NTNG1: variants seen among roughly 807,000 people sequenced by gnomAD.
NTNG1 encodes netrin-G1.
NTNG1 carries 16 observed loss-of-function variants against 54.0 expected under a neutral mutation model. The observed-to-expected ratio is 0.30, with a 90% CI of 0.20 to 0.45. The LOEUF (loss-of-function observed/expected upper bound fraction) is 0.45, where lower values mean the gene tolerates loss of function less well. Ranked by LOEUF, NTNG1 falls within the 20% of genes least tolerant of loss-of-function variation. The pLI is 1.00. For synonymous variants in NTNG1, 255 were observed against 263.1 expected (o/e 0.97, Z 0.30); for missense variants, 530 against 678.7 (o/e 0.78, Z 2.43).
At chr1:107,344,709 A>G (rs1371479867) in intron 3 of NTNG1, among the ~76,000 whole-genome samples, 1 of 152,068 alleles carries the variant, frequency 6.6e-6, no homozygotes, top group African/African-American at 2.4e-5. Flanking sequence ...GAATTTCATA[A>G]CCCTCCCTTA....
chr1:107,293,665 G>C (rs1041450508), intron 2 of NTNG1, among the ~76,000 whole-genome samples: 3 of 151,988 alleles, frequency 2.0e-5, no homozygotes, highest in African/African-American at 7.3e-5. Context: ...ATAAAGTGGG[G>C]GTATAATTGT....
chr1:107,336,262 C>T (rs1668572159), intron 3 of NTNG1, among the ~76,000 whole-genome samples: 1 of 150,522 alleles, frequency 6.6e-6, no homozygotes, highest in Non-Finnish European at 1.5e-5. Context: ...TAAAGATAGA[C>T]ATACGAACCA....
chr1:107,253,014 A>G (rs1211251101), intron 2 of NTNG1, among the ~76,000 whole-genome samples: 1 of 151,918 alleles, frequency 6.6e-6, no homozygotes, highest in Non-Finnish European at 1.5e-5. Context: ...TGCTTTCTTT[A>G]CTCTCTTTTG....
chr1:107,383,795 G>A (rs892882917), intron 3 of NTNG1, among the ~76,000 whole-genome samples: 16 of 152,130 alleles, frequency 1.1e-4, no homozygotes, highest in Non-Finnish European at 2.2e-4. Context: ...TTACTTGAAC[G>A]TTGTTCATTT....
intron 2 of NTNG1, among the ~76,000 whole-genome samples, chr1:107,280,023 G>A (rs1664726894): frequency 7.6e-6 from 1 of 131,874 alleles, no homozygotes; most frequent in African/African-American, 2.8e-5. Context: ...CTGAATTCCT[G>A]TTCCTTTGTT....
chr1:107,417,127 A>C (rs929196694), intron 5 of NTNG1, among the ~76,000 whole-genome samples: 1 of 152,110 alleles, frequency 6.6e-6, no homozygotes, highest in Non-Finnish European at 1.5e-5. Flanking sequence ...AGCAACATTC[A>C]GTCAATTGAC....
intron 2 of NTNG1, among the ~76,000 whole-genome samples, chr1:107,178,294 CT>C (rs547237456): frequency 1.2e-4 from 19 of 152,082 alleles, no homozygotes; most frequent in African/African-American, 4.1e-4. Flanking sequence ...CAGATAAATT[CT>C]TTTTTTCTTC....
intron 2 of NTNG1, among the ~76,000 whole-genome samples, chr1:107,315,840 G>A (rs757504527): frequency 7.2e-5 from 11 of 152,056 alleles, no homozygotes; most frequent in Non-Finnish European, 1.6e-4. Context: ...ACTATACCCA[G>A]TATACAGCAC....
chr1:107,421,205 GT>G, intron 5 of NTNG1: 1 of 1,154,696 alleles, frequency 8.7e-7, no homozygotes, highest in Non-Finnish European at 1.3e-6. Flanking sequence ...ACATTGCACT[GT>G]ATGAATCTGG....
intron 2 of NTNG1, among the ~76,000 whole-genome samples, chr1:107,242,081 C>T (rs1051119775): frequency 6.6e-6 from 1 of 152,134 alleles, no homozygotes; most frequent in Non-Finnish European, 1.5e-5. Context: ...TTCGACACCA[C>T]CTGGACGTCA....
Position 107,154,483 on chromosome 1 carries a change from C to A in NTNG1, c.246+5644C>A, listed in dbSNP as rs1055758039. ...AGGTGACATGCGCCTGTAGTCCCAG[C>A]TACTTGGGAGGCTGAGGTGGGAGGA... On this transcript the variant is annotated intron_variant, in intron 2 of 7. Coordinates refer to ENST00000370068, the MANE Select transcript of NTNG1 (RefSeq NM_001113226.3). Among the ~76,000 whole-genome samples, 4 of 150,358 alleles carry A rather than the reference C, an allele frequency of 2.7e-5. No homozygotes were observed. The Admixed American group carries it at 2.7e-4, about 10-fold the overall frequency.
chr1:107,222,109 C>T (rs991714533), intron 2 of NTNG1, among the ~76,000 whole-genome samples: 1 of 152,070 alleles, frequency 6.6e-6, no homozygotes, highest in Non-Finnish European at 1.5e-5. Flanking sequence ...TGCTCATCTT[C>T]CATCTCGGTG....
intron 2 of NTNG1, among the ~76,000 whole-genome samples, chr1:107,166,109 C>T (rs1019854808): frequency 6.6e-6 from 1 of 152,030 alleles, no homozygotes; most frequent in Non-Finnish European, 1.5e-5. Flanking sequence ...GCAATGGGAA[C>T]ACAGAAAGAA....
chr1:107,442,205 C>A lies in NTNG1; in HGVS notation c.1390+5406C>A, dbSNP rs76082812. Among the ~76,000 whole-genome samples, 611 of 152,140 alleles carry A rather than the reference C, an allele frequency of 4.0e-3. 2 individuals carry two copies. Among genetic ancestry groups the A allele is most frequent in the Non-Finnish European group, 6.9e-3 (466 of 67,992 alleles). On this transcript the variant is annotated intron_variant, in intron 7 of 7. Transcript: ENST00000370068. ...CTGAGGAGCTACCACTTATTGGTAC[C>A]ATGGAGAAGGCATTGTCACATAAGG...
intron 3 of NTNG1, among the ~76,000 whole-genome samples, chr1:107,357,542 T>C (rs1670008849): frequency 6.6e-6 from 1 of 152,228 alleles, no homozygotes; most frequent in African/African-American, 2.4e-5. Flanking sequence ...CTTTAGCTAA[T>C]TTCATTCTTT....
intron 2 of NTNG1, among the ~76,000 whole-genome samples, chr1:107,157,966 A>G (rs974458219): frequency 2.0e-5 from 3 of 152,094 alleles, no homozygotes; most frequent in Non-Finnish European, 2.9e-5. Flanking sequence ...GGATTTCTGC[A>G]CTGGATTTTG....
chr1:107,352,835 C>T (rs1404604992), intron 3 of NTNG1, among the ~76,000 whole-genome samples: 2 of 152,210 alleles, frequency 1.3e-5, no homozygotes, highest in Non-Finnish European at 2.9e-5. Flanking sequence ...CACATGGAAA[C>T]CACCAAGGCT....
chr1:107,208,351 A>G (rs1449871527), intron 2 of NTNG1, among the ~76,000 whole-genome samples: 2 of 150,616 alleles, frequency 1.3e-5, no homozygotes, highest in Non-Finnish European at 3.0e-5. Flanking sequence ...AATCACTTGA[A>G]CCTGGAAGGC....
chr1:107,298,388 C>T (rs1459266682), intron 2 of NTNG1, among the ~76,000 whole-genome samples: 1 of 152,004 alleles, frequency 6.6e-6, no homozygotes, highest in Non-Finnish European at 1.5e-5. Flanking sequence ...CTTAAGACAA[C>T]GAAGCAACTC....
Sources: allele counts gnomAD v4.1 joint callset (sites outside exome capture counted in the v4.1 genomes callset), GRCh38; gene constraint gnomAD v4.1.1; transcripts MANE v1.5; gene names NCBI Gene and HGNC (gene_info 2026-07-23, HGNC 2026-07-21).